Variants in VPS13B observed in about 807,000 individuals in gnomAD.
The protein encoded by VPS13B is intermembrane lipid transfer protein VPS13B.
In VPS13B, 285 loss-of-function variants were observed where a neutral mutation model predicts 426.4. The observed-to-expected ratio is 0.67, with a 90% CI of 0.61 to 0.74. VPS13B has a LOEUF of 0.74. Ranked by LOEUF, VPS13B falls within the 30% of genes least tolerant of loss-of-function variation. The pLI, the probability that VPS13B is intolerant of heterozygous loss-of-function variation, is 0.00. For missense variants in VPS13B, 4,537 were observed against 4,782.6 expected, an observed-to-expected ratio of 0.95 and a Z score of 1.51; for synonymous variants, 1,676 against 1,676.4, an observed-to-expected ratio of 1.00 and a Z score of 0.01.
chr8:99,468,088 C>T (rs561131532), intron 24 of VPS13B, among the ~76,000 whole-genome samples: 30 of 152,144 alleles, frequency 2.0e-4, no homozygotes, highest in Middle Eastern at 3.4e-3. Flanking sequence ...GCCTTGTTGG[C>T]GTGCTGCACC....
At chr8:99,266,478 G>C (rs1237572342) in intron 17 of VPS13B, among the ~76,000 whole-genome samples, 1 of 152,082 alleles carries the variant, frequency 6.6e-6, no homozygotes, top group African/African-American at 2.4e-5. Flanking sequence ...GTTAGGAGTT[G>C]ATATTTTTCA....
At chr8:99,468,633 G>T (rs1415338768) in intron 24 of VPS13B, among the ~76,000 whole-genome samples, 1 of 152,080 alleles carries the variant, frequency 6.6e-6, no homozygotes, top group African/African-American at 2.4e-5. Flanking sequence ...GAGGATCCTT[G>T]AGCCCAGAAG....
At chr8:99,762,701 T>C (rs1171601534) in intron 39 of VPS13B, among the ~76,000 whole-genome samples, 2 of 152,170 alleles carry the variant, frequency 1.3e-5, no homozygotes, top group African/African-American at 4.8e-5. Context: ...ATGAGAGGGG[T>C]AAATAATGGC....
chr8:99,021,434 A>C (rs1449211019), intron 2 of VPS13B, among the ~76,000 whole-genome samples: 1 of 152,122 alleles, frequency 6.6e-6, no homozygotes, highest in East Asian at 1.9e-4. Context: ...CAGCCTGACC[A>C]AACTGGTGAA....
chr8:99,588,236 TG>T (rs1358685289), intron 33 of VPS13B, among the ~76,000 whole-genome samples: 1 of 151,762 alleles, frequency 6.6e-6, no homozygotes, highest in Non-Finnish European at 1.5e-5. Flanking sequence ...TAGTATAGTT[TG>T]AAGTCAGGTA....
chr8:99,082,305 AGTT>A (rs1342914942), intron 3 of VPS13B, among the ~76,000 whole-genome samples: 1 of 151,506 alleles, frequency 6.6e-6, no homozygotes, highest in Admixed American at 6.6e-5. Context: ...TTTTTGATGG[AGTT>A]GTTTGTTATT....
chr8:99,766,767 A>T lies in VPS13B; in HGVS notation c.7051-7A>T. The T allele has an allele frequency of 1.2e-6, 2 of 1,611,058 alleles. No individual in the cohort carries two copies. Among genetic ancestry groups the T allele is most frequent in the Non-Finnish European group, 1.7e-6 (2 of 1,179,208 alleles). ...GCAACTTCTAAATTTTTTTTATTTT[A>T]ACATAGGTTCCTTGTAGCTTGGAAT... is the stretch of plus-strand genomic sequence containing the variant. On this transcript the variant is annotated splice_polypyrimidine_tract_variant and splice_region_variant and intron_variant, in intron 39 of 61. Transcript: ENST00000357162.
intron 36 of VPS13B, among the ~76,000 whole-genome samples, chr8:99,711,574 A>G (rs1318317846): frequency 6.6e-6 from 1 of 152,212 alleles, no homozygotes; most frequent in Non-Finnish European, 1.5e-5. Context: ...AAAGAATAAA[A>G]GAGACTGAAA....
At chr8:99,368,992 T>C (rs969923933) in intron 19 of VPS13B, among the ~76,000 whole-genome samples, 1 of 152,248 alleles carries the variant, frequency 6.6e-6, no homozygotes, top group Non-Finnish European at 1.5e-5. Context: ...TTTTCTTTCC[T>C]GCTTCTTGTA....
At chr8:99,118,494 T>C (rs11998245) in intron 7 of VPS13B, among the ~76,000 whole-genome samples, 12,392 of 152,124 alleles carry the variant, frequency 0.081, 839 homozygotes, top group African/African-American at 0.18. Flanking sequence ...AAGATATAGG[T>C]CATTAACATC....
chr8:99,800,612 GATTTA>G (rs1188660913), intron 43 of VPS13B, among the ~76,000 whole-genome samples: 3 of 152,014 alleles, frequency 2.0e-5, no homozygotes, highest in Non-Finnish European at 4.4e-5. Flanking sequence ...AGTTCACTTA[GATTTA>G]ATTTTTTTTT....
intron 15 of VPS13B, among the ~76,000 whole-genome samples, chr8:99,159,984 A>T (rs536370374): frequency 6.6e-6 from 1 of 152,024 alleles, no homozygotes. Flanking sequence ...TTTAAGGTAT[A>T]TAAGTTTTTT....
chr8:99,501,077 A>G (rs1821208940), intron 25 of VPS13B, among the ~76,000 whole-genome samples: 1 of 152,226 alleles, frequency 6.6e-6, no homozygotes. Flanking sequence ...TGTCAAATCT[A>G]CTAATTTTTA....
intron 7 of VPS13B, among the ~76,000 whole-genome samples, chr8:99,119,016 G>T (rs1342994713): frequency 1.3e-5 from 2 of 152,016 alleles, no homozygotes; most frequent in Non-Finnish European, 2.9e-5. Flanking sequence ...AGTTGCAGTT[G>T]GCCTACATCC....
At chr8:99,298,612 G>A (rs1477608287) in intron 19 of VPS13B, among the ~76,000 whole-genome samples, 1 of 152,130 alleles carries the variant, frequency 6.6e-6, no homozygotes, top group Non-Finnish European at 1.5e-5. Context: ...TGACATGTAA[G>A]TATTTTTTCC....
chr8:99,140,221 CG>C (rs1017299058), intron 12 of VPS13B, among the ~76,000 whole-genome samples: 2 of 151,316 alleles, frequency 1.3e-5, no homozygotes, highest in African/African-American at 4.9e-5. Context: ...AAAAATTAGC[CG>C]GGGGTGGTGG....
chr8:99,023,877 TACAAG>T (rs1842018725), intron 2 of VPS13B, among the ~76,000 whole-genome samples: 1 of 152,204 alleles, frequency 6.6e-6, no homozygotes, highest in Non-Finnish European at 1.5e-5. Context: ...AACATGGAGG[TACAAG>T]ATATCTCTGT....
rs942335130 is a variant in VPS13B at position 99,151,239 on chromosome 8, T to C, written c.2013+3229T>C. Among the ~76,000 whole-genome samples the C allele has an allele frequency of 7.9e-5, 12 of 152,346 alleles. No individual in the cohort carries two copies. In the East Asian group the frequency reaches 1.9e-3, roughly 24 times the overall value. The stretch of plus-strand genomic sequence containing the variant: ...TTAAGAGTTGTTTGTTTTCTTAATA[T>C]TGAATTTTAAGGATTCCTTGTATAT... On this transcript the variant is annotated intron_variant, in intron 14 of 61. Transcript: ENST00000357162.
chr8:99,120,737 G>T (rs1847894417), intron 7 of VPS13B, among the ~76,000 whole-genome samples: 1 of 151,912 alleles, frequency 6.6e-6, no homozygotes, highest in African/African-American at 2.4e-5. Context: ...TTCCTCCATG[G>T]GTGCTGATCA....
Sources: allele counts gnomAD v4.1 joint callset (sites outside exome capture counted in the v4.1 genomes callset), GRCh38; gene constraint gnomAD v4.1.1; transcripts MANE v1.5; gene names NCBI Gene and HGNC (gene_info 2026-07-23, HGNC 2026-07-21).